Variants in DDX31 observed in about 807,000 individuals in gnomAD.
DDX31 encodes the protein DEAD-box helicase 31, also known as ATP-dependent DNA helicase DDX31.
DDX31 carries 70 observed loss-of-function variants against 91.3 expected under a neutral mutation model. That is an observed-to-expected ratio of 0.77 (90% CI 0.63 to 0.94). The LOEUF (loss-of-function observed/expected upper bound fraction) is 0.94, where lower values mean the gene tolerates loss of function less well. Ranked by LOEUF, DDX31 falls within the 40% of genes least tolerant of loss-of-function variation. DDX31 has a pLI of 0.00. For missense variants in DDX31, 902 were observed against 925.0 expected (o/e 0.98, Z 0.32); for synonymous variants, 362 against 350.6 (o/e 1.03, Z -0.36).
chr9:132,660,261 G>A (rs1340521762), intron 4 of DDX31, among the ~76,000 whole-genome samples: 1 of 151,530 alleles, frequency 6.6e-6, no homozygotes, highest in East Asian at 1.9e-4. Flanking sequence ...CTTGAACCTG[G>A]GAGGCAGAGA....
At chr9:132,650,697 G>C (rs1834131309) in intron 8 of DDX31, among the ~76,000 whole-genome samples, 1 of 152,186 alleles carries the variant, frequency 6.6e-6, no homozygotes, top group South Asian at 2.1e-4. Flanking sequence ...ATCAATTCAT[G>C]ATCCAATTTG....
At chr9:132,631,946 G>T in intron 15 of DDX31, 95 bp downstream of exon 15, 1 of 1,134,582 alleles carries the variant, frequency 8.8e-7, no homozygotes, top group Non-Finnish European at 1.3e-6. Flanking sequence ...CAACACCCAA[G>T]AGGATAATAA....
chr9:132,638,355 A>G, intron 14 of DDX31: 1 of 1,614,160 alleles, frequency 6.2e-7, no homozygotes, highest in Non-Finnish European at 8.5e-7. Flanking sequence ...GCTTAGGGTG[A>G]GTTCTTCACT....
chr9:132,628,223 T>C (rs1452765885), intron 16 of DDX31, among the ~76,000 whole-genome samples: 1 of 152,122 alleles, frequency 6.6e-6, no homozygotes, highest in Admixed American at 6.5e-5. Context: ...CCCTCACAAG[T>C]GAGTTTTCAG....
intron 4 of DDX31, 30 bp downstream of exon 4, chr9:132,661,178 A>G (rs996159032): frequency 1.2e-6 from 2 of 1,600,670 alleles, no homozygotes; most frequent in African/African-American, 2.7e-5. Flanking sequence ...CGTAATGCCT[A>G]AGAAATCAAG....
intron 19 of DDX31, among the ~76,000 whole-genome samples, chr9:132,597,049 G>A (rs1448575159): frequency 1.3e-5 from 2 of 152,158 alleles, no homozygotes; most frequent in East Asian, 3.8e-4. Flanking sequence ...GTTGGCATGT[G>A]GATCGCAGTC....
At chr9:132,654,043 G>A (rs867344380) in intron 6 of DDX31, among the ~76,000 whole-genome samples, 3 of 152,080 alleles carry the variant, frequency 2.0e-5, no homozygotes, top group African/African-American at 7.2e-5. Flanking sequence ...GAAAAAGATG[G>A]TTTAATTCAA....
At chr9:132,637,748 AAC>A in intron 14 of DDX31, 1 of 921,222 alleles carries the variant, frequency 1.1e-6, no homozygotes, top group African/African-American at 1.8e-5. Context: ...AAAAACTGGC[AAC>A]ATGAGTTAGC....
chr9:132,667,605 A>AAAAACAAAAAAC (rs1554774187), intron 1 of DDX31, among the ~76,000 whole-genome samples: 1 of 151,456 alleles, frequency 6.6e-6, no homozygotes, highest in African/African-American at 2.4e-5. Context: ...TCCATCTCAA[A>AAAAACAAAAAAC]AAAACAAAAC....
At chr9:132,631,930 C>G in intron 15 of DDX31, 111 bp downstream of exon 15, 1 of 991,770 alleles carries the variant, frequency 1.0e-6, no homozygotes, top group Non-Finnish European at 1.5e-6. Context: ...TGCCTGGTTA[C>G]CAGGGCAACA....
intron 14 of DDX31, among the ~76,000 whole-genome samples, chr9:132,632,515 C>T (rs1832857003): frequency 1.3e-5 from 2 of 152,160 alleles, no homozygotes; most frequent in African/African-American, 4.8e-5. Context: ...TATTGATTTA[C>T]ATTTTATCTG....
Position 132,648,313 on chromosome 9 carries a change from A to T in DDX31, c.861-18T>A, listed in dbSNP as rs1833961735. 6.2e-6 allele frequency: 10 copies of T among 1,604,516 alleles called. No individual in the cohort carries two copies. In the East Asian group the frequency reaches 2.2e-4, roughly 36 times the overall value. On this transcript the variant is annotated intron_variant, in intron 10 of 19. Transcript: ENST00000372159. ...CCAAGATTCTGTGATTGTAAAAAAA[A>T]AAAGAAATTTTCAACTATATGAAGA...
At chr9:132,663,516 A>T in intron 1 of DDX31, 1 of 985,460 alleles carries the variant, frequency 1.0e-6, no homozygotes, top group Non-Finnish European at 1.2e-6. Flanking sequence ...AACTTCCCCT[A>T]GGAGAAGGAA....
intron 14 of DDX31, chr9:132,637,955 T>C (rs1013225784): frequency 6.9e-6 from 7 of 1,009,942 alleles, no homozygotes; most frequent in Non-Finnish European, 8.3e-6. Context: ...CCTGGCACGG[T>C]GGAAATTCCC....
In DDX31 at chr9:132,645,885, C is replaced by T. The variant is rs770109598; in HGVS notation, c.1380+10G>A. The T allele has an allele frequency of 3.7e-5, 60 of 1,604,810 alleles. No homozygotes were observed. The highest frequency in any genetic ancestry group is 5.0e-5 in the Non-Finnish European group (59 of 1,173,864). On this transcript the variant is annotated intron_variant, in intron 13 of 19. Coordinates refer to ENST00000372159, the MANE Select transcript of DDX31 (RefSeq NM_022779.9). ...CAGTGTTGTCGCTGCACAGGGAGAT[C>T]AGTGCTCACCTCCTGCTCCATGCCG...
chr9:132,606,483 C>T (rs955735898), intron 19 of DDX31, among the ~76,000 whole-genome samples: 2 of 152,182 alleles, frequency 1.3e-5, no homozygotes, highest in Non-Finnish European at 2.9e-5. Flanking sequence ...CTCGGTTCCG[C>T]GGGTACTCGC....
At position 132,642,053 on chromosome 9, in the gene DDX31, G is replaced by A; in HGVS notation, c.1391C>T (p.Ala464Val). The change falls in exon 14 of 20, where the codon GCA becomes GTA. Residue 464 changes from alanine to valine, a missense_variant. Physicochemically the swap from Ala to Val is moderately conservative, Grantham distance 64. Transcript: ENST00000372159. ...GGAATGTGAAAATTCCTGAAACACT[G>A]CTGTTCTTTCCTACAAAAACAAGGA... ...HGGMEQEERT[A>V]VFQEFSHSRR... 1.2e-6 allele frequency: 2 copies of A among 1,614,150 alleles called. No homozygotes were observed. The highest frequency in any genetic ancestry group is 2.2e-5 in the East Asian group (1 of 44,888).
At chr9:132,620,513 G>C (rs1831959248) in intron 17 of DDX31, among the ~76,000 whole-genome samples, 1 of 151,670 alleles carries the variant, frequency 6.6e-6, no homozygotes. Flanking sequence ...AGGTTCACAG[G>C]TTTGAAATGA....
intron 14 of DDX31, among the ~76,000 whole-genome samples, chr9:132,634,177 CTT>C (rs1273456829): frequency 1.3e-5 from 2 of 152,122 alleles, no homozygotes; most frequent in African/African-American, 4.8e-5. Context: ...TTACTTTTCT[CTT>C]TGTGTTTGGC....
Sources: gnomAD v4.1 joint callset for allele counts (sites outside exome capture counted in the v4.1 genomes callset) on GRCh38, gnomAD v4.1.1 for gene constraint, MANE v1.5 for transcripts, NCBI Gene and HGNC (gene_info 2026-07-23, HGNC 2026-07-21) for gene names.